RGS12: variants seen among roughly 807,000 people sequenced by gnomAD.
RGS12 encodes the protein regulator of G-protein signaling 12.
Under a neutral mutation model 120.1 loss-of-function variants are expected in RGS12, and 66 were observed. The observed-to-expected ratio is 0.55, with a 90% CI of 0.45 to 0.67. The LOEUF (loss-of-function observed/expected upper bound fraction) is 0.67, where lower values mean the gene tolerates loss of function less well. RGS12 is among the 30% of genes least tolerant of loss of function. The pLI is 0.00. For missense variants in RGS12, 1,859 were observed against 1,957.7 expected (o/e 0.95, Z 0.95); for synonymous variants, 827 against 804.7 (o/e 1.03, Z -0.47).
intron 14 of RGS12, 60 bp from the exon 15 acceptor site, chr4:3,428,030 C>T: frequency 6.7e-7 from 1 of 1,493,814 alleles, no homozygotes; most frequent in Non-Finnish European, 9.3e-7. Flanking sequence ...AGCAGGTTGT[C>T]TATGAAACAT....
the RGS12 span, among the ~76,000 whole-genome samples, chr4:3,286,356 C>G: frequency 6.6e-6 from 1 of 152,204 alleles, no homozygotes; most frequent in East Asian, 1.9e-4. Context: ...ACTGCGTATG[C>G]GGTGGGCAAA....
intron 1 of RGS12, among the ~76,000 whole-genome samples, chr4:3,298,372 A>G (rs1421155210): frequency 6.6e-6 from 1 of 151,298 alleles, no homozygotes; most frequent in East Asian, 1.9e-4. Context: ...TTTTTAAGAG[A>G]CGGAGTCTCA....
chr4:3,300,991 A>C (rs1355929369), intron 1 of RGS12, among the ~76,000 whole-genome samples: 1 of 152,224 alleles, frequency 6.6e-6, no homozygotes, highest in Non-Finnish European at 1.5e-5. Context: ...TGAGGAGGTC[A>C]CAAGGGCACA....
intron 4 of RGS12, among the ~76,000 whole-genome samples, chr4:3,400,339 G>A: frequency 6.6e-6 from 1 of 152,162 alleles, no homozygotes. Flanking sequence ...TTCACCCTTA[G>A]GGAATTTTCC....
At chr4:3,409,867 C>T (rs1334107695) in intron 4 of RGS12, among the ~76,000 whole-genome samples, 5 of 152,352 alleles carry the variant, frequency 3.3e-5, no homozygotes, top group East Asian at 3.9e-4. Context: ...AGCTGGGCCT[C>T]GCCTAGGCAG....
At chr4:3,315,752 C>A (rs986800416) in intron 1 of RGS12, among the ~76,000 whole-genome samples, 10 of 152,356 alleles carry the variant, frequency 6.6e-5, no homozygotes, top group African/African-American at 2.2e-4. Context: ...CCACGGACCA[C>A]ACTTTGAGTA....
Position 3,439,775 on chromosome 4 carries a change from A to G in RGS12, c.*91A>G. ...GGGCCTCAGGGGGGCCACCCTGGCC[A>G]CCACACCCTCAGGAGCCCAGCCAGG... On this transcript the variant is annotated 3_prime_UTR_variant, in exon 18 of 18. Transcript: ENST00000336727. 1.6e-6 allele frequency: 2 copies of G among 1,258,484 alleles called. No individual in the cohort carries two copies. The highest frequency in any genetic ancestry group is 2.1e-6 in the Non-Finnish European group (2 of 935,622). The allele number at this position is 1,258,484 out of a possible 1,614,324, so 78.0% of individuals were successfully genotyped here.
chr4:3,423,130 C>A, intron 12 of RGS12, 152 bp downstream of exon 12: 1 of 682,728 alleles, frequency 1.5e-6, no homozygotes, highest in Admixed American at 2.3e-5. Context: ...TGGAGGCCCA[C>A]ACGAGGCAGC....
At chr4:3,369,603 A>G (rs1324197712) in intron 3 of RGS12, among the ~76,000 whole-genome samples, 2 of 152,248 alleles carry the variant, frequency 1.3e-5, no homozygotes, top group Non-Finnish European at 2.9e-5. Flanking sequence ...TTTTGACAGC[A>G]GGGAAGCACT....
Position 3,374,089 on chromosome 4 carries a change from C to T in RGS12, c.1999-12327C>T, listed in dbSNP as rs889963714. Among the ~76,000 whole-genome samples, 8 of 152,232 alleles carry T rather than the reference C, an allele frequency of 5.3e-5. No individual in the cohort carries two copies. The highest frequency in any genetic ancestry group is 7.3e-5 in the Non-Finnish European group (5 of 68,044). On this transcript the variant is annotated intron_variant, in intron 3 of 17. Coordinates refer to ENST00000336727, the MANE Select transcript of RGS12 (RefSeq NM_001394154.1). The surrounding 1 kb of genome is among the most constrained non-coding windows in gnomAD (Gnocchi z 6.3). ...GAGGCCCTTGAGCACTCAGCACCTT[C>T]TCCTACCATGTCCCACGCGGCTCTG... is the stretch of plus-strand genomic sequence containing the variant.
intron 3 of RGS12, among the ~76,000 whole-genome samples, chr4:3,350,811 G>A (rs1016787124): frequency 6.6e-6 from 1 of 152,148 alleles, no homozygotes; most frequent in Non-Finnish European, 1.5e-5. Context: ...TTTCTTAAGG[G>A]ATTTCTGGCT....
intron 3 of RGS12, chr4:3,370,260 G>T (rs1220196046): frequency 1.2e-6 from 2 of 1,613,954 alleles, no homozygotes; most frequent in Non-Finnish European, 1.7e-6. Context: ...GTGGCTCGGT[G>T]CCTTACAATG....
At chr4:3,314,482 A>G (rs1316238560) in intron 1 of RGS12, 2 of 152,146 alleles carry the variant, frequency 1.3e-5, no homozygotes, top group Non-Finnish European at 2.9e-5. Context: ...GGCTCACTGC[A>G]AGCTCCACCT....
intron 1 of RGS12, among the ~76,000 whole-genome samples, chr4:3,296,166 C>T (rs372472259): frequency 2.6e-5 from 4 of 152,158 alleles, no homozygotes; most frequent in East Asian, 3.9e-4. Flanking sequence ...ATTGTCACAT[C>T]GCTGTCTTTC....
rs1346130716 is a variant in RGS12 at position 3,374,344 on chromosome 4, G to A, written c.1999-12072G>A. On this transcript the variant is annotated intron_variant, in intron 3 of 17. Coordinates refer to ENST00000336727, the MANE Select transcript of RGS12 (RefSeq NM_001394154.1). The surrounding 1 kb of genome is among the most constrained non-coding windows in gnomAD (Gnocchi z 6.3). ...CTTTTCACCACTGTCAGGTCTTCAC[G>A]GGGGAGGCCTAGGCTGGGCGGGGAC... Among the ~76,000 whole-genome samples, 6 of 152,140 alleles carry A rather than the reference G, an allele frequency of 3.9e-5. No homozygotes were observed. The highest frequency in any genetic ancestry group is 5.9e-5 in the Non-Finnish European group (4 of 68,028).
Position 3,365,602 on chromosome 4 carries a change from C to T in RGS12, c.1999-20814C>T, listed in dbSNP as rs1716219830. The stretch of plus-strand genomic sequence containing the variant: ...TTGGCTGTTGGGTTGATAATGTTGG[C>T]TTCTTCCTGGCCTCCCACTCACCTC... On this transcript the variant is annotated intron_variant, in intron 3 of 17. Coordinates refer to ENST00000336727, the MANE Select transcript of RGS12 (RefSeq NM_001394154.1). The surrounding 1 kb of genome is among the most constrained non-coding windows in gnomAD (Gnocchi z 4.0). Among the ~76,000 whole-genome samples the T allele has an allele frequency of 6.6e-6, 1 of 152,174 alleles. No individual in the cohort carries two copies. Among genetic ancestry groups the T allele is most frequent in the Non-Finnish European group, 1.5e-5 (1 of 68,040 alleles).
Position 3,431,331 on chromosome 4 carries a change from G to A in RGS12, c.4114+376G>A, listed in dbSNP as rs1047089113. 5 of 1,080,952 alleles carry A rather than the reference G, an allele frequency of 4.6e-6. No homozygotes were observed. The African/African-American group carries it at 6.7e-5, about 15-fold the overall frequency. 67.0% of individuals were successfully genotyped at this position (1,080,952 alleles called of 1,614,324 possible). On this transcript the variant is annotated intron_variant, in intron 17 of 17. Transcript: ENST00000336727. ...GACAGCGATCGTTTTTAGTGTTTCT[G>A]TCTCAAGACTGGAAAACAATAGCAT...
intron 13 of RGS12, chr4:3,423,938 C>A: frequency 3.2e-6 from 1 of 311,792 alleles, no homozygotes; most frequent in Non-Finnish European, 6.2e-6. Context: ...GGACTATCCT[C>A]CGCTGTTGGC....
chr4:3,415,381 C>T (rs972715704), intron 6 of RGS12, among the ~76,000 whole-genome samples: 1 of 152,164 alleles, frequency 6.6e-6, no homozygotes, highest in Non-Finnish European at 1.5e-5. Context: ...GTTTGTATAA[C>T]GCCCTCAGCC....
Sources: allele counts gnomAD v4.1 joint callset (sites outside exome capture counted in the v4.1 genomes callset), GRCh38; gene constraint gnomAD v4.1.1; non-coding constraint Gnocchi (gnomAD v3.1); transcripts MANE v1.5; gene names NCBI Gene and HGNC (gene_info 2026-07-23, HGNC 2026-07-21).